The following HDAC9 variants were observed in gnomAD, a reference collection of about 807,000 sequenced individuals.
HDAC9 encodes histone deacetylase 9, also known as MEF-2 interacting transcription repressor (MITR) protein.
In HDAC9, 41 loss-of-function variants were observed where a neutral mutation model predicts 139.4. The observed-to-expected ratio is 0.29, with a 90% CI of 0.23 to 0.38. The LOEUF (loss-of-function observed/expected upper bound fraction) is 0.38. Among genes scored for constraint, HDAC9 ranks in the 10% least tolerant of loss-of-function variants. The probability of loss-of-function intolerance (pLI) is 1.00; values close to 1 mark genes in which losing one functional copy is unlikely to be tolerated. For synonymous variants in HDAC9, 517 were observed against 476.2 expected (o/e 1.09, Z -1.12); for missense variants, 1,147 against 1,297.0 (o/e 0.88, Z 1.78).
chr7:18,749,197 G>C (rs998042765), intron 14 of HDAC9, 59 bp downstream of exon 14: 17 of 1,545,124 alleles, frequency 1.1e-5, no homozygotes, highest in Non-Finnish European at 1.5e-5. Context: ...AAAGAGGCCA[G>C]TATTCATTTG....
chr7:18,368,800 A>G (rs963460378), intron 1 of HDAC9, among the ~76,000 whole-genome samples: 3 of 152,086 alleles, frequency 2.0e-5, no homozygotes, highest in Admixed American at 1.3e-4. Flanking sequence ...TAGCCAAGTC[A>G]AAGAGAGAAA....
At chr7:18,955,265 TAAG>T (rs1009458639) in intron 24 of HDAC9, among the ~76,000 whole-genome samples, 2 of 152,094 alleles carry the variant, frequency 1.3e-5, no homozygotes, top group African/African-American at 2.4e-5. Context: ...TTCATAAGCT[TAAG>T]AAGAAAATCC....
intron 12 of HDAC9, among the ~76,000 whole-genome samples, chr7:18,689,953 C>T (rs990292849): frequency 2.0e-5 from 3 of 151,972 alleles, no homozygotes; most frequent in African/African-American, 7.2e-5. Flanking sequence ...AGAAGGTATT[C>T]TTCCATGGGT....
chr7:18,480,180 C>T (rs1795444385), intron 1 of HDAC9, among the ~76,000 whole-genome samples: 1 of 151,820 alleles, frequency 6.6e-6, no homozygotes, highest in African/African-American at 2.4e-5. Flanking sequence ...TACTGTGCAC[C>T]AGTGTTTGTA....
chr7:18,328,492 A>C (rs1449293197), intron 1 of HDAC9, among the ~76,000 whole-genome samples: 2 of 151,972 alleles, frequency 1.3e-5, no homozygotes, highest in Non-Finnish European at 2.9e-5. Context: ...ATACACACGT[A>C]AACCCACTCT....
rs201430029 is a variant in HDAC9, at chr7:18,679,515, CCTTT to C, written c.1731+13051_1731+13054del. ...TTCTTTTCTTTTCTTTCTTTTCTTT[CCTTT>C]CTTTCTTTCTTCCTTTCTTCCTTTC... On this transcript the variant is annotated intron_variant, in intron 12 of 25. Coordinates refer to ENST00000686413, the MANE Select transcript of HDAC9 (RefSeq NM_178425.4). Among the ~76,000 whole-genome samples, 930 of 149,134 alleles carry C rather than the reference CCTTT, an allele frequency of 6.2e-3. 12 individuals carry two copies. The highest frequency in any genetic ancestry group is 0.02 in the African/African-American group (819 of 40,766).
chr7:18,202,397 C>G (rs1430253094), intron 2 of HDAC9, among the ~76,000 whole-genome samples: 3 of 151,584 alleles, frequency 2.0e-5, no homozygotes, highest in Admixed American at 6.6e-5. Flanking sequence ...TTTTTTCCTT[C>G]AGATTTCTTG....
chr7:18,154,240 C>A (rs1327275864), intron 1 of HDAC9, among the ~76,000 whole-genome samples: 2 of 151,804 alleles, frequency 1.3e-5, no homozygotes, highest in African/African-American at 4.8e-5. Context: ...TTAAAGTAAA[C>A]ATGGTATATT....
At position 18,552,580 on chromosome 7, in the gene HDAC9, G is replaced by A. The variant is rs978354129; in HGVS notation, c.23-32701G>A. Among the ~76,000 whole-genome samples the A allele has an allele frequency of 4.2e-4, 64 of 151,998 alleles. 2 individuals are homozygous for A. The highest frequency in any genetic ancestry group is 2.1e-4 in the Non-Finnish European group (14 of 67,982). ...TTCAGGGAAGGAAAAATAATGACCC[G>A]GTTTTCTTTATTTTTCTGGTGAGCA... On this transcript the variant is annotated intron_variant, in intron 2 of 25. Transcript: ENST00000686413.
At chr7:18,712,724 A>G (rs546975719) in intron 12 of HDAC9, among the ~76,000 whole-genome samples, 462 of 152,312 alleles carry the variant, frequency 3.0e-3, no homozygotes, top group African/African-American at 0.011. Context: ...ACTTTAACAT[A>G]TTATTTATAT....
chr7:18,451,184 C>T lies in HDAC9; in HGVS notation c.-41-45078C>T, dbSNP rs115356273. Among the ~76,000 whole-genome samples the T allele has an allele frequency of 5.0e-4, 76 of 151,976 alleles. 1 individual carries two copies. The highest frequency in any genetic ancestry group is 3.2e-4 in the Non-Finnish European group (22 of 67,978). On this transcript the variant is annotated intron_variant, in intron 1 of 3. Coordinates refer to the HDAC9 transcript ENST00000413509. The stretch of plus-strand genomic sequence containing the variant: ...GCCCCTTTGCCCTTTCATCATGTGA[C>T]GGCACAGAGAAAGCATCGTCCATGA...
chr7:18,686,485 G>T (rs926665583), intron 12 of HDAC9, among the ~76,000 whole-genome samples: 2 of 151,812 alleles, frequency 1.3e-5, no homozygotes, highest in African/African-American at 2.4e-5. Context: ...TTGTGGTCAT[G>T]GCTTGGAAGA....
intron 2 of HDAC9, among the ~76,000 whole-genome samples, chr7:18,182,873 TGGGTA>T (rs1485755871): frequency 6.6e-6 from 1 of 152,094 alleles, no homozygotes; most frequent in East Asian, 1.9e-4. Context: ...GTCAAAAACT[TGGGTA>T]GTCAGCAAGC....
At chr7:18,636,594 A>G (rs957831399) in intron 8 of HDAC9, among the ~76,000 whole-genome samples, 7 of 152,104 alleles carry the variant, frequency 4.6e-5, no homozygotes. Context: ...ATTTTCAGCT[A>G]TTTAAAGAAT....
chr7:18,452,422 A>G (rs1792956908), intron 1 of HDAC9, among the ~76,000 whole-genome samples: 1 of 152,172 alleles, frequency 6.6e-6, no homozygotes, highest in South Asian at 2.1e-4. Context: ...GAGGGTCACA[A>G]CCTGGAGTGT....
chr7:18,239,216 C>A (rs1268955867), intron 2 of HDAC9, among the ~76,000 whole-genome samples: 1 of 151,926 alleles, frequency 6.6e-6, no homozygotes, highest in Non-Finnish European at 1.5e-5. Context: ...AGATCATGTG[C>A]AAACAGAAGG....
chr7:18,108,500 G>A (rs1259617249), intron 1 of HDAC9, among the ~76,000 whole-genome samples: 2 of 151,718 alleles, frequency 1.3e-5, no homozygotes, highest in African/African-American at 2.4e-5. Context: ...TTAAAGCTCA[G>A]TTTCTTTATT....
chr7:18,251,455 A>G (rs1352753798), intron 2 of HDAC9, among the ~76,000 whole-genome samples: 2 of 152,140 alleles, frequency 1.3e-5, no homozygotes, highest in African/African-American at 2.4e-5. Flanking sequence ...GCAGACCACC[A>G]TGGTACACAT....
chr7:18,593,876 A>C, intron 5 of HDAC9, 32 bp from the exon 6 acceptor site: 1 of 1,611,302 alleles, frequency 6.2e-7, no homozygotes, highest in Non-Finnish European at 8.5e-7. Flanking sequence ...AAAACTACCA[A>C]GTAAATAGTG....
Sources: allele counts gnomAD v4.1 joint callset (sites outside exome capture counted in the v4.1 genomes callset), GRCh38; gene constraint gnomAD v4.1.1; transcripts MANE v1.5; gene names NCBI Gene and HGNC (gene_info 2026-07-23, HGNC 2026-07-21).